VANGL2: variants seen among roughly 807,000 people sequenced by gnomAD.
VANGL2 encodes the protein vang-like protein 2.
VANGL2 carries 14 observed loss-of-function variants against 50.2 expected under a neutral mutation model. The ratio of observed to expected loss-of-function variants is 0.28; its 90% CI spans 0.18 to 0.44. VANGL2 has a LOEUF of 0.44. VANGL2 is among the 20% of genes least tolerant of loss of function. The probability of loss-of-function intolerance (pLI) is 1.00; values close to 1 mark genes in which losing one functional copy is unlikely to be tolerated. For synonymous variants in VANGL2, 295 were observed against 297.2 expected, an observed-to-expected ratio of 0.99 and a Z score of 0.08; for missense variants, 533 against 701.5, an observed-to-expected ratio of 0.76 and a Z score of 2.71.
rs1293638942 is a variant in VANGL2, at chr1:160,420,282, G to C, written c.801-129G>C. ...AAGTAGACCTCAGGCCCGGAGTCAG[G>C]CTTCTCGGAAGCAGCTTGTCCCTGT... On this transcript the variant is annotated intron_variant, in intron 4 of 7. Coordinates refer to ENST00000368061, the MANE Select transcript of VANGL2 (RefSeq NM_020335.3). The C allele has an allele frequency of 3.9e-6, 5 of 1,284,580 alleles. No homozygotes were observed. The African/African-American group carries it at 5.8e-5, about 15-fold the overall frequency. The allele number at this position is 1,284,580 out of a possible 1,614,324, so 79.6% of individuals were successfully genotyped here. A position where few individuals can be genotyped will look rare whatever the true frequency, so the allele number is the denominator to read the frequency against.
chr1:160,414,499 G>T (rs1650986707), intron 1 of VANGL2, among the ~76,000 whole-genome samples: 1 of 152,144 alleles, frequency 6.6e-6, no homozygotes, highest in African/African-American at 2.4e-5. Context: ...GTTTAAAGTG[G>T]TAGCCCTTAC....
At chr1:160,410,973 A>G (rs1650863791) in intron 1 of VANGL2, among the ~76,000 whole-genome samples, 2 of 151,910 alleles carry the variant, frequency 1.3e-5, no homozygotes, top group Non-Finnish European at 1.5e-5. Context: ...TGCCATGGTG[A>G]TCAATGTGGG....
intron 1 of VANGL2, among the ~76,000 whole-genome samples, chr1:160,406,317 C>T (rs564296191): frequency 5.2e-4 from 79 of 152,270 alleles, no homozygotes; most frequent in South Asian, 1.0e-3. Context: ...TGAGTAATTC[C>T]CCTGTTTTCT....
In VANGL2 at chr1:160,424,171, T is replaced by C. The variant is rs1305771125; in HGVS notation, c.1193T>C (p.Met398Thr). The C allele has an allele frequency of 6.2e-7, 1 of 1,614,222 alleles. No individual in the cohort carries two copies. The highest frequency in any genetic ancestry group is 8.5e-7 in the Non-Finnish European group (1 of 1,180,034). Residue 398 changes from methionine to threonine, a missense_variant, in exon 7 of 8, where the codon ATG becomes ACG. Transcript: ENST00000368061. ...GCAGCCCAAGCCATCTTTGCATCCA[T>C]GGCCCGTGCCATGCAGAAGTACCTT... ...REAAQAIFAS[M>T]ARAMQKYLRT...
At chr1:160,413,531 G>A (rs1387309158) in intron 1 of VANGL2, among the ~76,000 whole-genome samples, 1 of 152,072 alleles carries the variant, frequency 6.6e-6, no homozygotes, top group Non-Finnish European at 1.5e-5. Flanking sequence ...TAAAGTGCTG[G>A]GATTACAGGC....
intron 6 of VANGL2, among the ~76,000 whole-genome samples, chr1:160,421,547 G>A (rs901258087): frequency 3.3e-5 from 5 of 152,180 alleles, no homozygotes; most frequent in African/African-American, 1.2e-4. Context: ...TTACATGATG[G>A]TAGTGCACTT....
chr1:160,425,165 C>A lies in VANGL2; in HGVS notation c.1353C>A (p.His451Gln). The part of the protein sequence containing the change: ...YLAAGPTIQY[H>Q]KERWLAKQWT... ...CGGCTGGACCTACCATCCAGTACCA[C>A]AAGGAACGCTGGCTGGCCAAACAGT... Residue 451 changes from histidine (H) to glutamine (Q), a missense_variant, in exon 8 of 8, where the codon CAC (histidine) becomes CAA (glutamine). By Grantham distance (24) the His-to-Gln change is conservative. Transcript: ENST00000368061. 1 of 1,614,164 alleles carries A rather than the reference C, an allele frequency of 6.2e-7. No homozygotes were observed. Among genetic ancestry groups the A allele is most frequent in the Non-Finnish European group, 8.5e-7 (1 of 1,180,030 alleles).
intron 1 of VANGL2, among the ~76,000 whole-genome samples, chr1:160,408,441 A>G (rs2101950474): frequency 6.6e-6 from 1 of 152,260 alleles, no homozygotes. Context: ...ATGCAAGCTC[A>G]GGTATCCTGG....
intron 3 of VANGL2, among the ~76,000 whole-genome samples, chr1:160,416,672 G>C (rs1651072696): frequency 6.6e-6 from 1 of 152,144 alleles, no homozygotes; most frequent in Non-Finnish European, 1.5e-5. Flanking sequence ...GAAAGCCCAA[G>C]GGACAAGAAG....
chr1:160,401,143 C>G (rs1432425562), intron 1 of VANGL2, among the ~76,000 whole-genome samples: 1 of 151,822 alleles, frequency 6.6e-6, no homozygotes, highest in Non-Finnish European at 1.5e-5. Context: ...CCTGGAGAGC[C>G]GGGGACTTTC....
At chr1:160,423,977 G>A (rs999520490) in intron 6 of VANGL2, 75 bp from the exon 7 acceptor site, 1 of 1,542,144 alleles carries the variant, frequency 6.5e-7, no homozygotes, top group African/African-American at 1.4e-5. Flanking sequence ...CTGCTGGAGT[G>A]TTGGAGCTAG....
At chr1:160,425,035 G>T (rs1651402385) in intron 7 of VANGL2, 83 bp from the exon 8 acceptor site, 8 of 1,604,692 alleles carry the variant, frequency 5.0e-6, no homozygotes, top group Admixed American at 3.3e-5. Flanking sequence ...CGTCCTTCTT[G>T]TCTTTGGAAA....
At chr1:160,421,228 G>T (rs952559506) in intron 6 of VANGL2, 41 bp downstream of exon 6, 3 of 1,609,262 alleles carry the variant, frequency 1.9e-6, no homozygotes, top group Admixed American at 3.4e-5. Context: ...GTGCTTGTTG[G>T]GTGAATGGGG....
Position 160,414,125 on chromosome 1 carries a change from C to T in VANGL2, c.-190-1523C>T, listed in dbSNP as rs372194487. On this transcript the variant is annotated intron_variant, in intron 1 of 7. Coordinates refer to ENST00000368061, the MANE Select transcript of VANGL2 (RefSeq NM_020335.3). Reference sequence around the variant, plus strand: ...CTCTACCCTTAGCAAGCCTGTACTACTGCAGTCGCCTCCTTATTGATCTCC... The same window carrying T: ...CTCTACCCTTAGCAAGCCTGTACTATTGCAGTCGCCTCCTTATTGATCTCC... Among the ~76,000 whole-genome samples the T allele has an allele frequency of 2.6e-5, 4 of 152,350 alleles. No homozygotes were observed. The South Asian group carries it at 8.3e-4, about 32-fold the overall frequency.
chr1:160,420,148 A>G (rs1260913608), intron 4 of VANGL2, among the ~76,000 whole-genome samples: 1 of 152,012 alleles, frequency 6.6e-6, no homozygotes, highest in Non-Finnish European at 1.5e-5. Flanking sequence ...AATGGGGATG[A>G]GGTGATCTTT....
At chr1:160,417,145 C>T (rs934079580) in intron 3 of VANGL2, among the ~76,000 whole-genome samples, 8 of 151,996 alleles carry the variant, frequency 5.3e-5, no homozygotes, top group Non-Finnish European at 1.0e-4. Context: ...GGTCAGAGGG[C>T]GGGGAGCAGA....
chr1:160,406,574 G>C (rs1298213453), intron 1 of VANGL2, among the ~76,000 whole-genome samples: 1 of 152,106 alleles, frequency 6.6e-6, no homozygotes, highest in African/African-American at 2.4e-5. Flanking sequence ...GTGGGGTCTT[G>C]TTTGTGAATG....
At chr1:160,413,963 T>C (rs1650971248) in intron 1 of VANGL2, among the ~76,000 whole-genome samples, 1 of 152,186 alleles carries the variant, frequency 6.6e-6, no homozygotes, top group Non-Finnish European at 1.5e-5. Context: ...CAGTCTTCCC[T>C]ACCCTACTGA....
chr1:160,400,625 T>A lies in VANGL2; in HGVS notation c.-435T>A, dbSNP rs975848646. ...GATTCCTTGATCCTTGGTCCCGCCATGGGAGCCTGAGCGCCCCCTATTCCC... is the reference window on the plus strand; with the variant it reads ...GATTCCTTGATCCTTGGTCCCGCCAAGGGAGCCTGAGCGCCCCCTATTCCC... On this transcript the variant is annotated 5_prime_UTR_variant, in exon 1 of 8. It removes an upstream start codon present in the reference 5' UTR. Transcript: ENST00000368061. 2 of 150,824 alleles carry A rather than the reference T, an allele frequency of 1.3e-5. No homozygotes were observed. Among genetic ancestry groups the A allele is most frequent in the African/African-American group, 4.9e-5 (2 of 41,050 alleles). The allele number at this position is 150,824 out of a possible 1,614,324, so 9.3% of individuals were successfully genotyped here.
Sources: gnomAD v4.1 joint callset for allele counts (sites outside exome capture counted in the v4.1 genomes callset) on GRCh38, gnomAD v4.1.1 for gene constraint, MANE v1.5 for transcripts, NCBI Gene and HGNC (gene_info 2026-07-23, HGNC 2026-07-21) for gene names.